Variants in IL31RA observed in about 807,000 individuals in gnomAD.
The protein encoded by IL31RA is interleukin-31 receptor subunit alpha.
A neutral mutation model predicts 83.7 loss-of-function variants in IL31RA; 66 were observed. That is an observed-to-expected ratio of 0.79 (90% confidence interval 0.65 to 0.97). The LOEUF is 0.97. Among genes scored for constraint, IL31RA ranks in the 50% least tolerant of loss-of-function variants. IL31RA has a pLI of 0.00. For synonymous variants in IL31RA, 325 were observed against 329.0 expected (o/e 0.99, Z 0.13); for missense variants, 798 against 919.4 (o/e 0.87, Z 1.71).
intron 10 of IL31RA, 37 bp from the exon 11 acceptor site, chr5:55,908,228 G>T (rs750653969): frequency 6.2e-7 from 1 of 1,612,992 alleles, no homozygotes; most frequent in Admixed American, 1.7e-5. Flanking sequence ...CTGGAGTGCG[G>T]TTCAGTGATT....
intron 5 of IL31RA, among the ~76,000 whole-genome samples, chr5:55,887,953 G>A (rs927660793): frequency 1.3e-5 from 2 of 151,926 alleles, no homozygotes; most frequent in Non-Finnish European, 2.9e-5. Flanking sequence ...GGGAGGCTGA[G>A]GCAGGAGAAT....
upstream of IL31RA, among the ~76,000 whole-genome samples, chr5:55,851,053 C>T (rs1580636404): frequency 1.3e-5 from 2 of 150,668 alleles, 1 homozygote; most frequent in Admixed American, 1.3e-4. Context: ...TGAGATGGCG[C>T]AATTGCACTC....
At position 55,891,104 on chromosome 5, in the gene IL31RA, A is replaced by G. The variant is rs151172176; in HGVS notation, c.772+969A>G. ...ATATTCACTAACTGCTAGACTTCCT[A>G]TTCTTATTATTTATCCTCCTACTAT... On this transcript the variant is annotated intron_variant, in intron 6 of 14. Transcript: ENST00000652347. Among the ~76,000 whole-genome samples the G allele has an allele frequency of 1.4e-3, 206 of 152,290 alleles. 1 individual carries two copies. The Middle Eastern group carries it at 0.017, about 13-fold the overall frequency.
At chr5:55,849,277 A>AT (rs796789063), upstream of IL31RA, among the ~76,000 whole-genome samples, 36 of 150,078 alleles carry the variant, frequency 2.4e-4, no homozygotes, top group East Asian at 5.8e-4. Context: ...CTGCAATTTA[A>AT]TTTTTTTTTC....
intron 6 of IL31RA, among the ~76,000 whole-genome samples, chr5:55,891,491 C>T (rs254985): frequency 0.63 from 95,945 of 151,984 alleles, 31,789 homozygotes; most frequent in African/African-American, 0.84. Context: ...TCCTTGCCTT[C>T]TCCAGCTTCT....
chr5:55,875,052 A>G (rs986106368), intron 4 of IL31RA, among the ~76,000 whole-genome samples: 3 of 152,094 alleles, frequency 2.0e-5, no homozygotes, highest in African/African-American at 4.8e-5. Context: ...CCTTCCACTC[A>G]TAGTTTGTTG....
intron 9 of IL31RA, 94 bp downstream of exon 9, chr5:55,906,382 A>AACCACACTAACAGCTTT: frequency 8.5e-7 from 1 of 1,170,072 alleles, no homozygotes; most frequent in Non-Finnish European, 1.3e-6. Context: ...CAAAGCTGTT[A>AACCACACTAACAGCTTT]GTGTGGTTAA....
chr5:55,859,422 A>G, intron 1 of IL31RA, 87 bp from the exon 2 acceptor site: 1 of 968,228 alleles, frequency 1.0e-6, no homozygotes, highest in Non-Finnish European at 1.7e-6. Flanking sequence ...CCTCCTTCCA[A>G]AATCCCCAGA....
intron 5 of IL31RA, among the ~76,000 whole-genome samples, chr5:55,885,631 C>T (rs1373565234): frequency 2.0e-5 from 3 of 152,212 alleles, no homozygotes; most frequent in Non-Finnish European, 2.9e-5. Flanking sequence ...TACACAAAAG[C>T]ATCTGATGTA....
Position 55,896,349 on chromosome 5 carries a change from G to A in IL31RA, c.773-1G>A, listed in dbSNP as rs577567740. Reference sequence around the variant, plus strand: ...GAGTACCTCATTCTTGTTCCTTACAGCTCCATGTGGCCTGGAACTGTGGAG... The same window carrying A: ...GAGTACCTCATTCTTGTTCCTTACAACTCCATGTGGCCTGGAACTGTGGAG... On this transcript the variant is annotated splice_acceptor_variant, in intron 6 of 14. Transcript: ENST00000652347. LOFTEE classifies it high-confidence loss of function. The A allele has an allele frequency of 1.2e-6, 2 of 1,609,952 alleles. No individual in the cohort carries two copies. Among genetic ancestry groups the A allele is most frequent in the South Asian group, 1.1e-5 (1 of 90,996 alleles).
At chr5:55,867,269 GTGTGTGTGCA>G (rs780920365) in intron 2 of IL31RA, among the ~76,000 whole-genome samples, 1,472 of 5,638 alleles carry the variant, frequency 0.26, 20 homozygotes, top group South Asian at 0.38. Context: ...GTTTGTGTGC[GTGTGTGTGCA>G]TGTGTGTGTG....
intron 3 of IL31RA, among the ~76,000 whole-genome samples, chr5:55,871,749 A>T (rs2112380223): frequency 1.3e-5 from 2 of 151,796 alleles, no homozygotes; most frequent in East Asian, 3.9e-4. Context: ...CATTCTATAC[A>T]TGATATGCAT....
intron 10 of IL31RA, among the ~76,000 whole-genome samples, chr5:55,907,970 A>G (rs1261425372): frequency 1.3e-5 from 2 of 152,204 alleles, no homozygotes; most frequent in African/African-American, 4.8e-5. Context: ...TTCTTCAACT[A>G]TTTGATAATA....
intron 2 of IL31RA, among the ~76,000 whole-genome samples, chr5:55,861,749 T>G (rs1745701506): frequency 6.6e-6 from 1 of 152,210 alleles, no homozygotes; most frequent in South Asian, 2.1e-4. Context: ...CCACTTGTCT[T>G]TTTCTGTCTT....
At chr5:55,870,813 C>T (rs1036023633) in intron 3 of IL31RA, among the ~76,000 whole-genome samples, 2 of 152,182 alleles carry the variant, frequency 1.3e-5, no homozygotes, top group African/African-American at 4.8e-5. Context: ...AGCCAAAAAC[C>T]TTCTGATGTC....
At chr5:55,904,597 C>A (rs987806719) in intron 8 of IL31RA, among the ~76,000 whole-genome samples, 1 of 152,176 alleles carries the variant, frequency 6.6e-6, no homozygotes, top group Non-Finnish European at 1.5e-5. Flanking sequence ...TCAGAGTTAC[C>A]TTTTCAGGTT....
At chr5:55,915,260 C>G (rs1044761488) in intron 14 of IL31RA, among the ~76,000 whole-genome samples, 4 of 152,174 alleles carry the variant, frequency 2.6e-5, no homozygotes, top group Non-Finnish European at 5.9e-5. Context: ...GAGAGAGGAG[C>G]CTTGGCTATA....
chr5:55,856,960 A>G (rs572846420), intron 1 of IL31RA, among the ~76,000 whole-genome samples: 1 of 152,320 alleles, frequency 6.6e-6, no homozygotes, highest in Non-Finnish European at 1.5e-5. Flanking sequence ...GAGATTATAC[A>G]CAGGTTTCTT....
In IL31RA at chr5:55,908,356, G is replaced by A; in HGVS notation, c.1446G>A (p.Lys482=). Reference sequence around the variant, plus strand: ...AAGAGATTCCCAAGAGTGAGAGAAAGGGTATCATCTGCAACTACACCATCT... The same window carrying A: ...AAGAGATTCCCAAGAGTGAGAGAAAAGGTATCATCTGCAACTACACCATCT... The part of the protein sequence containing the change: ...TWKEIPKSER[K]GIICNYTIFY... Residue 482 remains lysine, a synonymous_variant, in exon 11 of 15, where the codon AAG becomes AAA. Transcript: ENST00000652347. 4.3e-6 allele frequency: 7 copies of A among 1,614,158 alleles called. No individual in the cohort carries two copies. Among genetic ancestry groups the A allele is most frequent in the Non-Finnish European group, 5.9e-6 (7 of 1,180,040 alleles).
Sources: gnomAD v4.1 joint callset for allele counts (sites outside exome capture counted in the v4.1 genomes callset) on GRCh38, gnomAD v4.1.1 for gene constraint, MANE v1.5 for transcripts, NCBI Gene and HGNC (gene_info 2026-07-23, HGNC 2026-07-21) for gene names.